CES5A: variants seen among roughly 807,000 people sequenced by gnomAD.
The protein encoded by CES5A is carboxylesterase 5A, also known as carboxylesterase 5.
Under a neutral mutation model 62.9 loss-of-function variants are expected in CES5A, and 67 were observed. That is an observed-to-expected ratio of 1.07 (90% confidence interval 0.88 to 1.31). The LOEUF (loss-of-function observed/expected upper bound fraction) is 1.31, where lower values mean the gene tolerates loss of function less well. CES5A is among the 50% of genes most tolerant of loss of function. The pLI is 0.00. For synonymous variants in CES5A, 296 were observed against 280.8 expected, an observed-to-expected ratio of 1.05 and a Z score of -0.54; for missense variants, 748 against 708.5, an observed-to-expected ratio of 1.06 and a Z score of -0.63.
intron 2 of CES5A, among the ~76,000 whole-genome samples, chr16:55,933,129 C>T (rs1404448122): frequency 6.6e-6 from 1 of 152,166 alleles, no homozygotes; most frequent in Non-Finnish European, 1.5e-5. Flanking sequence ...GCCTTCAAGG[C>T]CTATCAGGGA....
upstream of CES5A, among the ~76,000 whole-genome samples, chr16:55,927,185 T>C (rs1352499647): frequency 6.6e-6 from 1 of 152,118 alleles, no homozygotes. Flanking sequence ...TAGGAAAAAC[T>C]CTTCTGGACA....
At chr16:55,925,143 A>G (rs1476530033) in intron 1 of CES5A, among the ~76,000 whole-genome samples, 3 of 152,120 alleles carry the variant, frequency 2.0e-5, no homozygotes, top group African/African-American at 7.2e-5. Flanking sequence ...ATCAGAATAT[A>G]TAAGGAACTC....
chr16:55,905,989 T>G lies in CES5A; in HGVS notation c.-256+19334A>C, dbSNP rs369152938. 3.6e-4 allele frequency among the ~76,000 whole-genome samples: 55 copies of G among 152,216 alleles called. No homozygotes were observed. The South Asian group carries it at 0.011, about 29-fold the overall frequency. The stretch of plus-strand genomic sequence containing the variant: ...GAAGTATTACTGTCCCCACATCACC[T>G]ATAAGAACAATAAGACTCAGAGAAG... On this transcript the variant is annotated intron_variant, in intron 1 of 12. Transcript: ENST00000518005.
At chr16:55,951,068 T>A (rs1040606358) in intron 1 of CES5A, among the ~76,000 whole-genome samples, 1 of 110,022 alleles carries the variant, frequency 9.1e-6, no homozygotes, top group African/African-American at 3.6e-5. Context: ...CGCCACAAAC[T>A]ACACTCCAGC....
At chr16:55,864,354 T>C (rs2033414177) in intron 5 of CES5A, among the ~76,000 whole-genome samples, 1 of 152,218 alleles carries the variant, frequency 6.6e-6, no homozygotes, top group African/African-American at 2.4e-5. Context: ...ACCTGCCAAC[T>C]GATGCCAAGG....
chr16:55,853,891 C>A (rs1318243164), intron 9 of CES5A, among the ~76,000 whole-genome samples: 3 of 152,120 alleles, frequency 2.0e-5, no homozygotes, highest in Non-Finnish European at 4.4e-5. Context: ...GACAGCAGCC[C>A]TTGATGGGTT....
intron 2 of CES5A, among the ~76,000 whole-genome samples, chr16:55,940,374 A>G (rs2034433290): frequency 6.6e-6 from 1 of 152,094 alleles, no homozygotes; most frequent in Admixed American, 6.5e-5. Context: ...TCCTGTGGCC[A>G]TTAAAAATAA....
At chr16:55,855,294 G>A (rs1191279525) in intron 9 of CES5A, among the ~76,000 whole-genome samples, 6 of 152,302 alleles carry the variant, frequency 3.9e-5, no homozygotes, top group Admixed American at 6.5e-5. Context: ...CTGAATAAAC[G>A]TTTATGGAAA....
intron 1 of CES5A, among the ~76,000 whole-genome samples, chr16:55,902,799 A>G (rs541324216): frequency 6.6e-6 from 1 of 152,308 alleles, no homozygotes; most frequent in South Asian, 2.1e-4. Flanking sequence ...GTTGCTTGAG[A>G]TGCCACCATT....
At chr16:55,852,681 C>A (rs1426166716) in intron 10 of CES5A, among the ~76,000 whole-genome samples, 200 bp downstream of exon 10, 30 of 152,212 alleles carry the variant, frequency 2.0e-4, no homozygotes, top group African/African-American at 7.0e-4. Context: ...ACAGAAACAA[C>A]TGATCAACAT....
At chr16:55,891,520 G>A (rs2033877997) in intron 1 of CES5A, among the ~76,000 whole-genome samples, 1 of 152,216 alleles carries the variant, frequency 6.6e-6, no homozygotes, top group African/African-American at 2.4e-5. Context: ...CAGAAAGGCA[G>A]AACAACTCGA....
intron 11 of CES5A, 131 bp from the exon 12 acceptor site, chr16:55,846,971 C>T: frequency 2.5e-6 from 2 of 787,702 alleles, no homozygotes; most frequent in Non-Finnish European, 2.1e-6. Context: ...AGTCACTGTA[C>T]CCATTTTATA....
At chr16:55,928,825 T>A (rs2034282532), upstream of CES5A, among the ~76,000 whole-genome samples, 1 of 152,156 alleles carries the variant, frequency 6.6e-6, no homozygotes, top group South Asian at 2.1e-4. Flanking sequence ...CTTTCCCCCA[T>A]CCCCTGCTGT....
At chr16:55,889,869 T>C (rs1337298022) in intron 1 of CES5A, among the ~76,000 whole-genome samples, 1 of 152,182 alleles carries the variant, frequency 6.6e-6, no homozygotes, top group Non-Finnish European at 1.5e-5. Flanking sequence ...TTGCTCTAAG[T>C]ATTTAAGAGG....
At chr16:55,935,295 G>A (rs1205097122) in intron 2 of CES5A, among the ~76,000 whole-genome samples, 1 of 152,230 alleles carries the variant, frequency 6.6e-6, no homozygotes. Flanking sequence ...AGATATCCCA[G>A]CTCAAAACAG....
chr16:55,849,734 C>A lies in CES5A; in HGVS notation c.1313G>T (p.Arg438Leu). The change falls in exon 11 of 13, where the codon CGG becomes CTG. Residue 438 changes from arginine to leucine, a missense_variant. By Grantham distance (102) the Arg-to-Leu change is moderately radical. Transcript: ENST00000290567. ...APVYFYEFRH[R>L]PQCFEDTKPA... is the part of the protein sequence containing the mutation. The stretch of plus-strand genomic sequence containing the variant: ...CTTCGTGTCTTCAAAGCACTGAGGC[C>A]GGTGCCGAAACTCATAGAAGTAGAC... 6.2e-7 allele frequency: 1 copy of A among 1,613,954 alleles called. No homozygotes were observed. The highest frequency in any genetic ancestry group is 8.5e-7 in the Non-Finnish European group (1 of 1,179,888).
chr16:55,854,668 A>C (rs1440754404), intron 9 of CES5A, among the ~76,000 whole-genome samples: 1 of 148,358 alleles, frequency 6.7e-6, no homozygotes. Context: ...AGTAGCTGGC[A>C]CCACAAATGC....
At chr16:55,904,188 T>C (rs1005641525) in intron 1 of CES5A, among the ~76,000 whole-genome samples, 1 of 152,212 alleles carries the variant, frequency 6.6e-6, no homozygotes, top group Non-Finnish European at 1.5e-5. Flanking sequence ...ATTTAATTTA[T>C]CTGTAGAGAT....
intron 1 of CES5A, among the ~76,000 whole-genome samples, chr16:55,919,994 A>G (rs1156229422): frequency 2.6e-5 from 4 of 152,208 alleles, no homozygotes; most frequent in African/African-American, 9.7e-5. Context: ...CCCAAATGGT[A>G]GCACAGAAGC....
Sources: allele counts gnomAD v4.1 joint callset (sites outside exome capture counted in the v4.1 genomes callset), GRCh38; gene constraint gnomAD v4.1.1; transcripts MANE v1.5; gene names NCBI Gene and HGNC (gene_info 2026-07-23, HGNC 2026-07-21).